Variants in CMKLR1 observed in about 807,000 individuals in gnomAD.
CMKLR1 encodes the protein chemerin-like receptor 1.
Under a neutral mutation model 8.2 loss-of-function variants are expected in CMKLR1, and 6 were observed. The observed-to-expected ratio is 0.73, with a 90% CI of 0.40 to 1.44. The LOEUF is 1.44. CMKLR1 is among the 40% of genes most tolerant of loss of function. CMKLR1 has a pLI of 0.02. For synonymous variants in CMKLR1, 178 were observed against 181.2 expected (o/e 0.98, Z 0.14); for missense variants, 429 against 478.0 (o/e 0.90, Z 0.96).
chr12:108,317,155 T>C (rs1472111000), intron 2 of CMKLR1, among the ~76,000 whole-genome samples: 1 of 152,120 alleles, frequency 6.6e-6, no homozygotes, highest in Non-Finnish European at 1.5e-5. Flanking sequence ...ACACACAGCC[T>C]GTTTGGTGGT....
At chr12:108,326,870 C>T (rs1418755092) in intron 2 of CMKLR1, among the ~76,000 whole-genome samples, 1 of 152,176 alleles carries the variant, frequency 6.6e-6, no homozygotes, top group Non-Finnish European at 1.5e-5. Flanking sequence ...GCTTCTTTTA[C>T]AAGGGATCTA....
In CMKLR1 at chr12:108,289,962, A is replaced by T. The variant is rs948649723; in HGVS notation, c.*1879T>A. ...ATGAAGGGACTTGGAAGAGAACAGA[A>T]TGTGGACACTTAGGAGCCAAAGGGC... On this transcript the variant is annotated 3_prime_UTR_variant, in exon 4 of 4. Coordinates refer to ENST00000550402, the MANE Select transcript of CMKLR1 (RefSeq NM_001142343.2). The T allele has an allele frequency of 6.6e-6, 1 of 152,246 alleles. No individual in the cohort carries two copies. Among genetic ancestry groups the T allele is most frequent in the Non-Finnish European group, 1.5e-5 (1 of 68,060 alleles). The allele number at this position is 152,246 out of a possible 1,614,324, so 9.4% of individuals were successfully genotyped here. A position where few individuals can be genotyped will look rare whatever the true frequency, so the allele number is the denominator to read the frequency against.
chr12:108,311,855 G>A (rs1031467657), intron 2 of CMKLR1, among the ~76,000 whole-genome samples: 1 of 152,178 alleles, frequency 6.6e-6, no homozygotes, highest in Non-Finnish European at 1.5e-5. Context: ...ACTGCTGGGG[G>A]GACCTCAGAG....
chr12:108,311,691 T>C (rs1188517225), intron 2 of CMKLR1, among the ~76,000 whole-genome samples: 1 of 152,024 alleles, frequency 6.6e-6, no homozygotes, highest in Non-Finnish European at 1.5e-5. Flanking sequence ...GGGGGAGAGC[T>C]GGTGGAGGCA....
rs147602321 is a variant in CMKLR1, at chr12:108,325,622, C to G, written c.-74+4373G>C. ...ATCTCCCCCTGCCCCACCCAGATAA[C>G]CCTATGAGGCAACATCATCCTTACA... is the stretch of plus-strand genomic sequence containing the variant. On this transcript the variant is annotated intron_variant, in intron 2 of 3. Transcript: ENST00000550402. 2.7e-3 allele frequency among the ~76,000 whole-genome samples: 418 copies of G among 152,286 alleles called. 1 individual carries two copies. Among genetic ancestry groups the G allele is most frequent in the Non-Finnish European group, 4.4e-3 (297 of 68,022 alleles).
chr12:108,332,793 C>T (rs1383102787), intron 1 of CMKLR1, among the ~76,000 whole-genome samples: 1 of 152,084 alleles, frequency 6.6e-6, no homozygotes. Flanking sequence ...TAAGAGAACC[C>T]TGACTAATAC....
chr12:108,310,460 T>A (rs7302400), intron 2 of CMKLR1, among the ~76,000 whole-genome samples: 1 of 151,894 alleles, frequency 6.6e-6, no homozygotes, highest in African/African-American at 2.4e-5. Flanking sequence ...GTTCCAGGCC[T>A]ACCCAGAAAG....
intron 2 of CMKLR1, among the ~76,000 whole-genome samples, chr12:108,305,754 T>G (rs1396515578): frequency 6.6e-6 from 1 of 152,182 alleles, no homozygotes; most frequent in Non-Finnish European, 1.5e-5. Context: ...CACGCCCACA[T>G]GTGGGAGCTC....
At chr12:108,327,950 G>A (rs1344455066) in intron 2 of CMKLR1, among the ~76,000 whole-genome samples, 4 of 152,150 alleles carry the variant, frequency 2.6e-5, no homozygotes, top group East Asian at 1.9e-4. Flanking sequence ...ATCTCCTCCC[G>A]GGAGACCTGT....
chr12:108,292,077 G>A lies in CMKLR1; in HGVS notation c.886C>T (p.Leu296=), dbSNP rs752202928. 6.2e-7 allele frequency: 1 copy of A among 1,614,232 alleles called. No homozygotes were observed. Among genetic ancestry groups the A allele is most frequent in the South Asian group, 1.1e-5 (1 of 91,086 alleles). Residue 296 remains leucine, a synonymous_variant, in exon 4 of 4, where the codon CTG becomes TTG. Transcript: ENST00000550402. ...AGGGCAGTGGCCAGGGGCAAACCCA[G>A]GCTGAAGACAGAGCCAGGCATGGCA... ...HTAMPGSVFS[L]GLPLATALAI...
At chr12:108,296,317 G>A (rs1191655264) in intron 2 of CMKLR1, among the ~76,000 whole-genome samples, 1 of 152,250 alleles carries the variant, frequency 6.6e-6, no homozygotes, top group East Asian at 1.9e-4. Flanking sequence ...CTCATAAGAA[G>A]ATGGTTGTGA....
intron 2 of CMKLR1, among the ~76,000 whole-genome samples, chr12:108,310,324 G>T (rs960464324): frequency 1.3e-5 from 2 of 152,132 alleles, no homozygotes; most frequent in African/African-American, 2.4e-5. Flanking sequence ...TAAGCAGAGG[G>T]TATCATCCTT....
At chr12:108,307,685 A>G (rs1891444202) in intron 2 of CMKLR1, among the ~76,000 whole-genome samples, 1 of 152,188 alleles carries the variant, frequency 6.6e-6, no homozygotes, top group East Asian at 1.9e-4. Flanking sequence ...CAGCATCCCT[A>G]CATCCTCTGC....
At position 108,293,222 on chromosome 12, in the gene CMKLR1, T is replaced by C. The variant is rs1261749015; in HGVS notation, c.4-263A>G. 3.9e-5 allele frequency among the ~76,000 whole-genome samples: 6 copies of C among 152,194 alleles called. No homozygotes were observed. In the East Asian group the frequency reaches 9.6e-4, roughly 24 times the overall value. On this transcript the variant is annotated intron_variant, in intron 3 of 3. Coordinates refer to ENST00000550402, the MANE Select transcript of CMKLR1 (RefSeq NM_001142343.2). Reference sequence around the variant, plus strand: ...TAGGTTATGAGCCTCAACTTACAAATGAGGAAACTGAGTCACAGAGAGCTT... The same window carrying C: ...TAGGTTATGAGCCTCAACTTACAAACGAGGAAACTGAGTCACAGAGAGCTT...
intron 2 of CMKLR1, among the ~76,000 whole-genome samples, chr12:108,314,246 A>G (rs1054082324): frequency 6.6e-6 from 1 of 152,204 alleles, no homozygotes; most frequent in African/African-American, 2.4e-5. Flanking sequence ...AATGCAGGGG[A>G]CACAGAAGTT....
intron 2 of CMKLR1, among the ~76,000 whole-genome samples, chr12:108,298,591 G>A (rs1164235909): frequency 6.6e-6 from 1 of 152,178 alleles, no homozygotes; most frequent in Non-Finnish European, 1.5e-5. Context: ...GCCCCTCAGG[G>A]AATTTACCCT....
At position 108,292,325 on chromosome 12, in the gene CMKLR1, C is replaced by T. The variant is rs773139615; in HGVS notation, c.638G>A (p.Gly213Glu). 6.2e-7 allele frequency: 1 copy of T among 1,614,136 alleles called. No homozygotes were observed. The highest frequency in any genetic ancestry group is 1.1e-5 in the South Asian group (1 of 91,082). ...AGTCACCACCATGTGCCGGCTATAC[C>T]CCACAGGGTCCATTTGGGAGTGAGT... ...WPTHSQMDPV[G>E]YSRHMVVTVT... Residue 213 changes from glycine (G) to glutamate (E), a missense_variant, in exon 4 of 4, where the codon GGG (glycine) becomes GAG (glutamate). Coordinates refer to ENST00000550402, the MANE Select transcript of CMKLR1 (RefSeq NM_001142343.2).
intron 2 of CMKLR1, among the ~76,000 whole-genome samples, chr12:108,328,663 T>C (rs1892038286): frequency 6.6e-6 from 1 of 152,150 alleles, no homozygotes; most frequent in African/African-American, 2.4e-5. Context: ...CCCCTGTGAG[T>C]TGAGTCTGTC....
chr12:108,322,913 A>T (rs1160133669), intron 2 of CMKLR1, among the ~76,000 whole-genome samples: 3 of 152,200 alleles, frequency 2.0e-5, no homozygotes, highest in Admixed American at 2.0e-4. Flanking sequence ...ACAGCTGGGC[A>T]CCTACTATGT....
Sources: allele counts gnomAD v4.1 joint callset (sites outside exome capture counted in the v4.1 genomes callset), GRCh38; gene constraint gnomAD v4.1.1; transcripts MANE v1.5; gene names NCBI Gene and HGNC (gene_info 2026-07-23, HGNC 2026-07-21).